The following RBFOX1 variants were observed in gnomAD, a reference collection of about 807,000 sequenced individuals.
The protein encoded by RBFOX1 is RNA binding protein fox-1 homolog 1.
Under a neutral mutation model 57.7 loss-of-function variants are expected in RBFOX1, and 8 were observed. The observed-to-expected ratio is 0.14, with a 90% CI of 0.08 to 0.25. The LOEUF is 0.25. RBFOX1 is among the 10% of genes least tolerant of loss of function. The probability of loss-of-function intolerance (pLI) is 1.00; values close to 1 mark genes in which losing one functional copy is unlikely to be tolerated. For missense variants in RBFOX1, 611 were observed against 548.5 expected (o/e 1.11, Z -1.14); for synonymous variants, 326 against 222.4 (o/e 1.47, Z -4.15).
intron 3 of RBFOX1, among the ~76,000 whole-genome samples, chr16:5,628,157 G>T (rs1197470348): frequency 1.3e-5 from 2 of 152,086 alleles, no homozygotes; most frequent in African/African-American, 4.8e-5. Context: ...TTTAGTGTCT[G>T]GCATTGGGTA....
At chr16:5,860,012 G>C (rs1240098868) in intron 3 of RBFOX1, among the ~76,000 whole-genome samples, 1 of 152,158 alleles carries the variant, frequency 6.6e-6, no homozygotes, top group Non-Finnish European at 1.5e-5. Flanking sequence ...GCTATCTTAG[G>C]ATAGTCAAAA....
intron 4 of RBFOX1, among the ~76,000 whole-genome samples, chr16:7,202,190 G>T (rs1423991649): frequency 1.3e-5 from 2 of 151,418 alleles, no homozygotes; most frequent in Non-Finnish European, 2.9e-5. Flanking sequence ...ATAAACAAAT[G>T]GCCAATAAGC....
intron 7 of RBFOX1, among the ~76,000 whole-genome samples, chr16:7,594,116 C>G (rs1209993876): frequency 6.6e-6 from 1 of 151,906 alleles, no homozygotes; most frequent in African/African-American, 2.4e-5. Context: ...CTAACGCTAT[C>G]CCTCCCCCAG....
intron 3 of RBFOX1, among the ~76,000 whole-genome samples, chr16:7,020,463 C>T (rs942236091): frequency 2.6e-5 from 4 of 152,270 alleles, no homozygotes; most frequent in African/African-American, 7.2e-5. Flanking sequence ...TTGTCATCCA[C>T]CTGCCTCAAC....
At chr16:5,918,666 A>G (rs1183571086) in intron 4 of RBFOX1, among the ~76,000 whole-genome samples, 1 of 152,208 alleles carries the variant, frequency 6.6e-6, no homozygotes, top group Non-Finnish European at 1.5e-5. Flanking sequence ...ATCTCCAGGA[A>G]AATGAACTCA....
At chr16:6,640,211 A>C (rs938110236) in intron 2 of RBFOX1, among the ~76,000 whole-genome samples, 1 of 152,202 alleles carries the variant, frequency 6.6e-6, no homozygotes, top group Non-Finnish European at 1.5e-5. Context: ...ATGGTGAATT[A>C]TTTTATTATC....
At chr16:5,844,125 A>G (rs2056692303) in intron 3 of RBFOX1, among the ~76,000 whole-genome samples, 1 of 152,172 alleles carries the variant, frequency 6.6e-6, no homozygotes, top group Non-Finnish European at 1.5e-5. Context: ...TTCTGAGACT[A>G]AAGCTTAGTG....
In RBFOX1 at chr16:5,360,508, C is replaced by T. The variant is rs926601364; in HGVS notation, c.220-106708C>T. ...GGTAATGGGAGAGAGTGCACCTTCC[C>T]GTTATACCAGTATCAGCTACCTGGG... On this transcript the variant is annotated intron_variant, in intron 1 of 2. Coordinates refer to the RBFOX1 transcript ENST00000585867. Among the ~76,000 whole-genome samples the T allele has an allele frequency of 1.1e-4, 17 of 152,172 alleles. 1 individual carries two copies. Among genetic ancestry groups the T allele is most frequent in the Non-Finnish European group, 2.2e-4 (15 of 68,040 alleles).
At chr16:7,299,699 A>G (rs2095984603) in intron 4 of RBFOX1, among the ~76,000 whole-genome samples, 1 of 152,188 alleles carries the variant, frequency 6.6e-6, no homozygotes, top group Non-Finnish European at 1.5e-5. Flanking sequence ...CAGAGGGACC[A>G]TCAGGGGTTG....
At position 6,079,629 on chromosome 16, in the gene RBFOX1, G is replaced by T. The variant is rs567256637; in HGVS notation, c.-127+59637G>T. ...AAAGTCCTTTTGAAATGGTACAGGAGTTCAAGACCAGCCTGGACAACACAG... is the reference window on the plus strand; with the variant it reads ...AAAGTCCTTTTGAAATGGTACAGGATTTCAAGACCAGCCTGGACAACACAG... On this transcript the variant is annotated intron_variant, in intron 1 of 15. Transcript: ENST00000550418. 3.3e-5 allele frequency among the ~76,000 whole-genome samples: 5 copies of T among 150,946 alleles called. No homozygotes were observed. The South Asian group carries it at 8.8e-4, about 26-fold the overall frequency.
chr16:7,470,882 C>T (rs917026452), intron 4 of RBFOX1, among the ~76,000 whole-genome samples: 2 of 145,768 alleles, frequency 1.4e-5, no homozygotes, highest in Non-Finnish European at 3.0e-5. Flanking sequence ...GATCTCAGGG[C>T]GGGATGGGGG....
chr16:7,484,852 G>T (rs1167418548), intron 4 of RBFOX1, among the ~76,000 whole-genome samples: 1 of 152,106 alleles, frequency 6.6e-6, no homozygotes, highest in African/African-American at 2.4e-5. Context: ...TGTTTTTTCT[G>T]ATTTAATGGC....
chr16:7,293,842 A>T (rs1033268110), intron 4 of RBFOX1, among the ~76,000 whole-genome samples: 2 of 152,122 alleles, frequency 1.3e-5, no homozygotes. Flanking sequence ...GTATGCAATG[A>T]TGCCAGGGAC....
At chr16:6,592,316 C>A (rs1389270061) in intron 2 of RBFOX1, among the ~76,000 whole-genome samples, 2 of 152,206 alleles carry the variant, frequency 1.3e-5, no homozygotes, top group Non-Finnish European at 2.9e-5. Context: ...TGGATATTAT[C>A]TGCAGTTGTA....
At chr16:6,659,222 A>G (rs2098685617) in intron 3 of RBFOX1, among the ~76,000 whole-genome samples, 1 of 76,252 alleles carries the variant, frequency 1.3e-5, no homozygotes, top group Non-Finnish European at 2.5e-5. Flanking sequence ...GAATCTGTCA[A>G]GAGGAGACGA....
chr16:7,200,283 G>T (rs1045254050), intron 4 of RBFOX1, among the ~76,000 whole-genome samples: 8 of 152,174 alleles, frequency 5.3e-5, no homozygotes, highest in Admixed American at 4.6e-4. Context: ...GTTTTCCCAG[G>T]GAGTGGAGTG....
At chr16:6,568,285 C>T (rs955856956) in intron 2 of RBFOX1, among the ~76,000 whole-genome samples, 4 of 152,158 alleles carry the variant, frequency 2.6e-5, no homozygotes, top group African/African-American at 7.2e-5. Flanking sequence ...CCGTCAGTGA[C>T]AGTTGGAAGT....
chr16:6,282,971 T>C (rs552831716), intron 1 of RBFOX1, among the ~76,000 whole-genome samples: 150 of 152,334 alleles, frequency 9.8e-4, no homozygotes, highest in African/African-American at 3.4e-3. Context: ...AAGAACTCTG[T>C]GTACCATTGT....
intron 4 of RBFOX1, among the ~76,000 whole-genome samples, chr16:7,400,984 C>A (rs2098232693): frequency 6.6e-6 from 1 of 152,156 alleles, no homozygotes; most frequent in South Asian, 2.1e-4. Context: ...ACCTTGGAAC[C>A]CCGCATGAAA....
Sources: gnomAD v4.1 joint callset for allele counts (sites outside exome capture counted in the v4.1 genomes callset) on GRCh38, gnomAD v4.1.1 for gene constraint, MANE v1.5 for transcripts, NCBI Gene and HGNC (gene_info 2026-07-23, HGNC 2026-07-21) for gene names.